The following SMAP1 variants were observed in gnomAD, a reference collection of about 807,000 sequenced individuals.
The protein encoded by SMAP1 is stromal membrane-associated protein 1.
In SMAP1, 24 loss-of-function variants were observed where a neutral mutation model predicts 58.5. The ratio of observed to expected loss-of-function variants is 0.41; its 90% CI spans 0.30 to 0.58. The LOEUF (loss-of-function observed/expected upper bound fraction) is 0.58. Among genes scored for constraint, SMAP1 ranks in the 20% least tolerant of loss-of-function variants. The pLI is 0.29. For synonymous variants in SMAP1, 216 were observed against 196.6 expected (o/e 1.10, Z -0.82); for missense variants, 563 against 566.3 (o/e 0.99, Z 0.06).
chr6:70,715,939 G>A (rs1483775391), intron 1 of SMAP1, among the ~76,000 whole-genome samples: 1 of 152,096 alleles, frequency 6.6e-6, no homozygotes, highest in African/African-American at 2.4e-5. Context: ...TTAAGCCTTT[G>A]AATCTTTATA....
At chr6:70,782,174 G>A (rs1330358982) in intron 4 of SMAP1, among the ~76,000 whole-genome samples, 1 of 152,132 alleles carries the variant, frequency 6.6e-6, no homozygotes, top group Admixed American at 6.5e-5. Flanking sequence ...AAAGTACTAG[G>A]AGCCAGTGAA....
Position 70,861,722 on chromosome 6 carries a change from T to A in SMAP1, c.*1388T>A, listed in dbSNP as rs1582333284. On this transcript the variant is annotated 3_prime_UTR_variant, in exon 11 of 11. Coordinates refer to ENST00000370455, the MANE Select transcript of SMAP1 (RefSeq NM_001044305.3). ...TTTGGCTCGTTGGCTAGATTAACCT[T>A]CTCTGTCCGAGTGTGCCACACGAGA... 9 of 1,613,986 alleles carry A rather than the reference T, an allele frequency of 5.6e-6. No homozygotes were observed. The highest frequency in any genetic ancestry group is 7.6e-6 in the Non-Finnish European group (9 of 1,179,988).
At chr6:70,769,602 T>G (rs1767178021) in intron 3 of SMAP1, among the ~76,000 whole-genome samples, 1 of 152,202 alleles carries the variant, frequency 6.6e-6, no homozygotes, top group South Asian at 2.1e-4. Flanking sequence ...TTCCATTTGC[T>G]TGGTAGATCT....
At chr6:70,802,061 G>T (rs7454442) in intron 6 of SMAP1, among the ~76,000 whole-genome samples, 1,593 of 152,310 alleles carry the variant, frequency 0.01, 13 homozygotes, top group Non-Finnish European at 0.016. Flanking sequence ...GAAAGTCATT[G>T]GTAGCTTGAT....
intron 1 of SMAP1, among the ~76,000 whole-genome samples, chr6:70,718,602 A>C (rs868605821): frequency 6.6e-6 from 1 of 152,092 alleles, no homozygotes; most frequent in African/African-American, 2.4e-5. Flanking sequence ...CGGGTGAATC[A>C]CAAGGTCAGG....
intron 3 of SMAP1, among the ~76,000 whole-genome samples, chr6:70,762,429 A>G (rs1766789546): frequency 6.6e-6 from 1 of 152,140 alleles, no homozygotes; most frequent in Admixed American, 6.6e-5. Flanking sequence ...AACCCCTGGG[A>G]TAAATAACTG....
rs185594793 is a variant in SMAP1, at chr6:70,740,964, C to G, written c.252+8453C>G. On this transcript the variant is annotated intron_variant, in intron 2 of 10. Transcript: ENST00000370455. The stretch of plus-strand genomic sequence containing the variant: ...AAACCATTGACTCTCATGAGACTTA[C>G]TCACTACCAAGAGAACAGTAAGGGG... Among the ~76,000 whole-genome samples, 9 of 152,246 alleles carry G rather than the reference C, an allele frequency of 5.9e-5. No homozygotes were observed. In the East Asian group the frequency reaches 1.7e-3, roughly 29 times the overall value.
intron 1 of SMAP1, among the ~76,000 whole-genome samples, chr6:70,705,755 T>C (rs572144053): frequency 3.7e-4 from 57 of 152,168 alleles, no homozygotes; most frequent in Non-Finnish European, 7.2e-4. Flanking sequence ...CAGGTACTTA[T>C]GTATTTCACG....
chr6:70,794,366 T>C (rs553499553), intron 5 of SMAP1, among the ~76,000 whole-genome samples: 24 of 152,186 alleles, frequency 1.6e-4, no homozygotes, highest in South Asian at 4.1e-4. Flanking sequence ...GCTGTTAATA[T>C]TACTTCGAAG....
intron 2 of SMAP1, among the ~76,000 whole-genome samples, chr6:70,736,818 G>A (rs1478910451): frequency 1.3e-5 from 2 of 152,140 alleles, no homozygotes; most frequent in East Asian, 3.9e-4. Flanking sequence ...CCTTATTTCT[G>A]ATGTTCTCAT....
intron 2 of SMAP1, among the ~76,000 whole-genome samples, chr6:70,754,548 A>C (rs1766406712): frequency 6.6e-6 from 1 of 152,074 alleles, no homozygotes. Context: ...CTTCATTGTG[A>C]TCTTGATTGT....
chr6:70,802,432 A>G (rs1768904540), intron 6 of SMAP1, among the ~76,000 whole-genome samples: 1 of 152,234 alleles, frequency 6.6e-6, no homozygotes, highest in Non-Finnish European at 1.5e-5. Context: ...TTTTCTGGAT[A>G]TATAATCATG....
At chr6:70,837,668 C>CTCTTT in intron 7 of SMAP1, 1 of 422,798 alleles carries the variant, frequency 2.4e-6, no homozygotes, top group Non-Finnish European at 3.3e-6. Flanking sequence ...CTCTCTCTCT[C>CTCTTT]TTTTTTTTTT....
rs185017821 is a variant in SMAP1 at position 70,805,955 on chromosome 6, C to T, written c.576+7218C>T. On this transcript the variant is annotated intron_variant, in intron 6 of 10. Transcript: ENST00000370455. The stretch of plus-strand genomic sequence containing the variant: ...GGAGGTATCTCCCAGTTAGGCTACA[C>T]GGGGGTCAGGGACCCACTTGAGGAG... Among the ~76,000 whole-genome samples the T allele has an allele frequency of 9.2e-5, 14 of 152,286 alleles. No homozygotes were observed. In the East Asian group the frequency reaches 2.3e-3, roughly 25 times the overall value.
intron 3 of SMAP1, among the ~76,000 whole-genome samples, chr6:70,757,762 T>C (rs1490069394): frequency 1.3e-5 from 2 of 152,094 alleles, no homozygotes; most frequent in African/African-American, 2.4e-5. Context: ...AAAAAACACA[T>C]GAAAAAATGC....
At chr6:70,681,514 A>G (rs1766709825) in intron 1 of SMAP1, among the ~76,000 whole-genome samples, 2 of 152,162 alleles carry the variant, frequency 1.3e-5, no homozygotes, top group Non-Finnish European at 2.9e-5. Flanking sequence ...CAGTTTCTCA[A>G]TTCTTTTATT....
At chr6:70,731,889 T>A (rs1765445188) in intron 1 of SMAP1, among the ~76,000 whole-genome samples, 1 of 152,234 alleles carries the variant, frequency 6.6e-6, no homozygotes, top group South Asian at 2.1e-4. Context: ...TCATGCTTAT[T>A]GGCCATAAAT....
Position 70,821,424 on chromosome 6 carries a change from T to C in SMAP1, c.577-15517T>C, listed in dbSNP as rs114527693. ...AGTAAAGCTGCTATGAACATTCTTA[T>C]AAATATATGGCATTGTCATGAAGAA... On this transcript the variant is annotated intron_variant, in intron 6 of 10. Transcript: ENST00000370455. Among the ~76,000 whole-genome samples the C allele has an allele frequency of 5.7e-3, 869 of 152,264 alleles. 4 individuals are homozygous for C. The highest frequency in any genetic ancestry group is 0.02 in the African/African-American group (838 of 41,568).
At chr6:70,858,722 G>T in intron 10 of SMAP1, 1 of 153,316 alleles carries the variant, frequency 6.5e-6, no homozygotes, top group Non-Finnish European at 1.5e-5. Context: ...CTATTTTTCA[G>T]GTCGGATGAT....
Sources: allele counts gnomAD v4.1 joint callset (sites outside exome capture counted in the v4.1 genomes callset), GRCh38; gene constraint gnomAD v4.1.1; transcripts MANE v1.5; gene names NCBI Gene and HGNC (gene_info 2026-07-23, HGNC 2026-07-21).